CCDC102B: variants seen among roughly 807,000 people sequenced by gnomAD.
CCDC102B encodes coiled-coil domain-containing protein 102B.
In CCDC102B, 75 loss-of-function variants were observed where a neutral mutation model predicts 57.4. The ratio of observed to expected loss-of-function variants is 1.31; its 90% CI spans 1.08 to 1.58. CCDC102B has a LOEUF of 1.58. CCDC102B is among the 40% of genes most tolerant of loss of function. The pLI is 0.00. For synonymous variants in CCDC102B, 206 were observed against 201.9 expected, an observed-to-expected ratio of 1.02 and a Z score of -0.17; for missense variants, 636 against 582.6, an observed-to-expected ratio of 1.09 and a Z score of -0.94.
intron 4 of CCDC102B, among the ~76,000 whole-genome samples, chr18:68,874,204 G>GTATA (rs1232375947): frequency 4.3e-5 from 4 of 93,386 alleles, no homozygotes; most frequent in African/African-American, 1.7e-4. Flanking sequence ...GTGTGTGTGT[G>GTATA]TGTGTGTGTA....
At chr18:68,998,371 A>G (rs1369628644) in intron 6 of CCDC102B, among the ~76,000 whole-genome samples, 2 of 139,098 alleles carry the variant, frequency 1.4e-5, no homozygotes, top group African/African-American at 6.3e-5. Flanking sequence ...ACATCTACAT[A>G]TGTATACATA....
At chr18:68,887,170 T>C (rs1362255637) in intron 5 of CCDC102B, among the ~76,000 whole-genome samples, 1 of 152,182 alleles carries the variant, frequency 6.6e-6, no homozygotes, top group Non-Finnish European at 1.5e-5. Flanking sequence ...ACACTATAAC[T>C]GCTGGCAAGA....
intron 2 of CCDC102B, among the ~76,000 whole-genome samples, chr18:68,837,771 A>G (rs1406853872): frequency 6.6e-6 from 1 of 152,164 alleles, no homozygotes; most frequent in Non-Finnish European, 1.5e-5. Flanking sequence ...CAACAGTCAC[A>G]TTCTGAGGTA....
At chr18:68,955,083 A>G (rs1027859370) in intron 6 of CCDC102B, among the ~76,000 whole-genome samples, 1 of 152,206 alleles carries the variant, frequency 6.6e-6, no homozygotes, top group Non-Finnish European at 1.5e-5. Flanking sequence ...TCAAATGACA[A>G]TGATGGCTAC....
chr18:68,765,333 GAA>G (rs1401666219), intron 2 of CCDC102B, among the ~76,000 whole-genome samples: 12 of 75,928 alleles, frequency 1.6e-4, no homozygotes, highest in African/African-American at 5.1e-4. Flanking sequence ...AGGAAAGAAA[GAA>G]AGAAAGAAAG....
At chr18:68,777,209 C>T (rs1291996858) in intron 2 of CCDC102B, among the ~76,000 whole-genome samples, 1 of 152,208 alleles carries the variant, frequency 6.6e-6, no homozygotes, top group Non-Finnish European at 1.5e-5. Context: ...CCCTTCAACA[C>T]TCAATACAAG....
Position 68,800,292 on chromosome 18 carries a change from G to A in CCDC102B, c.-16+2111G>A, listed in dbSNP as rs1203738231. 5.3e-5 allele frequency among the ~76,000 whole-genome samples: 8 copies of A among 152,024 alleles called. No individual in the cohort carries two copies. In the South Asian group the frequency reaches 1.5e-3, roughly 28 times the overall value. The stretch of plus-strand genomic sequence containing the variant: ...TAGGAATGTGAATCTGGCAGAAGTC[G>A]AGCAGAATGGTTTGAAGTGGACACT... On this transcript the variant is annotated intron_variant, in intron 1 of 7. Transcript: ENST00000360242.
intron 7 of CCDC102B, among the ~76,000 whole-genome samples, chr18:69,037,051 A>G (rs1162862048): frequency 6.6e-6 from 1 of 151,834 alleles, no homozygotes; most frequent in Non-Finnish European, 1.5e-5. Flanking sequence ...ACACACACAC[A>G]CATACATACA....
At chr18:68,846,495 C>A in intron 4 of CCDC102B, 74 bp downstream of exon 4, 6 of 911,096 alleles carry the variant, frequency 6.6e-6, no homozygotes, top group Non-Finnish European at 9.9e-6. Flanking sequence ...AGCATGTGGG[C>A]AGAAAGGCAC....
chr18:69,010,872 C>T, intron 6 of CCDC102B, 62 bp from the exon 7 acceptor site: 1 of 1,216,426 alleles, frequency 8.2e-7, no homozygotes, highest in South Asian at 2.1e-5. Context: ...AAAGAAGTTG[C>T]CATTCTTCTG....
At chr18:68,857,219 T>C (rs2038465922) in intron 4 of CCDC102B, among the ~76,000 whole-genome samples, 2 of 68,072 alleles carry the variant, frequency 2.9e-5, no homozygotes, top group Non-Finnish European at 5.5e-5. Context: ...TAAAAATATA[T>C]TTATATATTT....
At chr18:68,928,868 T>C (rs1216955696) in intron 6 of CCDC102B, among the ~76,000 whole-genome samples, 2 of 151,764 alleles carry the variant, frequency 1.3e-5, no homozygotes, top group African/African-American at 4.8e-5. Context: ...AAGAAAGTAG[T>C]TGAAATGAGG....
chr18:68,914,995 G>GAA (rs1555725688), intron 6 of CCDC102B, among the ~76,000 whole-genome samples: 1 of 146,764 alleles, frequency 6.8e-6, no homozygotes, highest in Non-Finnish European at 1.5e-5. Context: ...GAGAGAGAGA[G>GAA]ACAGACAGAA....
intron 5 of CCDC102B, among the ~76,000 whole-genome samples, chr18:68,896,023 C>T (rs1233040834): frequency 6.6e-6 from 1 of 151,976 alleles, no homozygotes; most frequent in African/African-American, 2.4e-5. Context: ...ATTAATTTCA[C>T]TTCTCACAAA....
intron 6 of CCDC102B, among the ~76,000 whole-genome samples, chr18:68,961,942 T>C (rs2050057060): frequency 6.6e-6 from 1 of 152,076 alleles, no homozygotes; most frequent in South Asian, 2.1e-4. Flanking sequence ...GGATGTAGGA[T>C]CTCTGAACAT....
At chr18:68,898,691 G>A (rs1049902508) in intron 6 of CCDC102B, among the ~76,000 whole-genome samples, 1 of 152,084 alleles carries the variant, frequency 6.6e-6, no homozygotes, top group Non-Finnish European at 1.5e-5. Flanking sequence ...TGCAGGTAAT[G>A]AGAATATTAA....
chr18:68,838,991 C>G, intron 3 of CCDC102B, 65 bp downstream of exon 3: 3 of 1,246,582 alleles, frequency 2.4e-6, no homozygotes, highest in Non-Finnish European at 3.5e-6. Flanking sequence ...ATTGTTAATA[C>G]AGATAGATTG....
intron 6 of CCDC102B, among the ~76,000 whole-genome samples, chr18:68,911,658 A>G (rs999857830): frequency 7.7e-5 from 11 of 142,786 alleles, no homozygotes; most frequent in East Asian, 2.2e-4. Context: ...AGGCTGAGGC[A>G]GGAGAATGGC....
chr18:68,851,879 T>C (rs1270759963), intron 4 of CCDC102B, among the ~76,000 whole-genome samples: 2 of 152,226 alleles, frequency 1.3e-5, no homozygotes, highest in African/African-American at 2.4e-5. Context: ...ATTCATTCTA[T>C]GAAATATCTT....
Sources: allele counts gnomAD v4.1 joint callset (sites outside exome capture counted in the v4.1 genomes callset), GRCh38; gene constraint gnomAD v4.1.1; transcripts MANE v1.5; gene names NCBI Gene and HGNC (gene_info 2026-07-23, HGNC 2026-07-21).